Variants in GAB1 observed in about 807,000 individuals in gnomAD.
GAB1 encodes GRB2 associated binding protein 1.
In GAB1, 19 loss-of-function variants were observed where a neutral mutation model predicts 66.5. That is an observed-to-expected ratio of 0.29 (90% CI 0.20 to 0.42). The LOEUF (loss-of-function observed/expected upper bound fraction) is 0.42, where lower values mean the gene tolerates loss of function less well. Among genes scored for constraint, GAB1 ranks in the 10% least tolerant of loss-of-function variants. The pLI, the probability that GAB1 is intolerant of heterozygous loss-of-function variation, is 1.00. For missense variants in GAB1, 732 were observed against 858.5 expected, an observed-to-expected ratio of 0.85 and a Z score of 1.84; for synonymous variants, 294 against 301.4, an observed-to-expected ratio of 0.98 and a Z score of 0.25.
Position 143,440,187 on chromosome 4 carries a change from A to G in GAB1, c.1390A>G (p.Thr464Ala), listed in dbSNP as rs574486452. ...ACCACGACAACATTCCAGCAGTTTT[A>G]CAGAACCAATTCAGGAAGCAAATTA... ...SPPRQHSSSFTEPIQEANYVP... is the reference protein window; with the variant it reads ...SPPRQHSSSFAEPIQEANYVP... The change falls in exon 6 of 10, where the codon ACA (threonine) becomes GCA (alanine). Residue 464 changes from threonine (T) to alanine (A), a missense_variant. Transcript: ENST00000262994. The G allele has an allele frequency of 4.3e-6, 7 of 1,614,190 alleles. No individual in the cohort carries two copies. In the Admixed American group the frequency reaches 5.0e-5, roughly 12 times the overall value.
At chr4:143,395,344 G>A (rs532461396) in intron 1 of GAB1, 1 of 152,640 alleles carries the variant, frequency 6.6e-6, no homozygotes, top group Non-Finnish European at 1.5e-5. Flanking sequence ...TTTTGAATAA[G>A]TGAATGAATG....
chr4:143,470,448 A>G lies in GAB1; in HGVS notation c.*1259A>G, dbSNP rs1736021143. 1 of 152,186 alleles carries G rather than the reference A, an allele frequency of 6.6e-6. No homozygotes were observed. Among genetic ancestry groups the G allele is most frequent in the Non-Finnish European group, 1.5e-5 (1 of 68,028 alleles). 9.4% of individuals were successfully genotyped at this position (152,186 alleles called of 1,614,324 possible). On this transcript the variant is annotated 3_prime_UTR_variant, in exon 10 of 10. Transcript: ENST00000262994. ...GAGCCTTGCTACAATGTGAAATGTTATAGTCATGGACTCCTTCCAACCAGA... is the reference window on the plus strand; with the variant it reads ...GAGCCTTGCTACAATGTGAAATGTTGTAGTCATGGACTCCTTCCAACCAGA...
At chr4:143,338,429 G>T (rs532347421) in intron 1 of GAB1, among the ~76,000 whole-genome samples, 107 of 152,342 alleles carry the variant, frequency 7.0e-4, no homozygotes, top group African/African-American at 2.5e-3. Context: ...CTGTTTGCTT[G>T]TATAGAACAG....
intron 1 of GAB1, among the ~76,000 whole-genome samples, chr4:143,367,458 A>G (rs577003066): frequency 1.3e-5 from 2 of 152,236 alleles, no homozygotes; most frequent in South Asian, 2.1e-4. Flanking sequence ...AAGAAAATGT[A>G]TATAAAGTAC....
At chr4:143,405,373 G>T (rs1187397924) in intron 1 of GAB1, among the ~76,000 whole-genome samples, 2 of 152,178 alleles carry the variant, frequency 1.3e-5, no homozygotes, top group Non-Finnish European at 2.9e-5. Flanking sequence ...CACGGTTTCA[G>T]TCCCAGGGTT....
intron 1 of GAB1, among the ~76,000 whole-genome samples, chr4:143,378,629 G>GTCTC (rs3049720): frequency 0.055 from 7,116 of 129,022 alleles, 259 homozygotes; most frequent in African/African-American, 0.083. Context: ...CTTCCAAAGT[G>GTCTC]TCTCTCTCTC....
chr4:143,345,881 T>C (rs988907668), intron 1 of GAB1, among the ~76,000 whole-genome samples: 1 of 152,210 alleles, frequency 6.6e-6, no homozygotes, highest in Non-Finnish European at 1.5e-5. Context: ...ACTCAACTCA[T>C]TTTGTTGTAG....
chr4:143,461,821 C>T (rs1406445872), intron 8 of GAB1, among the ~76,000 whole-genome samples: 1 of 152,080 alleles, frequency 6.6e-6, no homozygotes, highest in Non-Finnish European at 1.5e-5. Context: ...ATATAAAGCC[C>T]AATTCTGTCA....
chr4:143,450,645 C>T (rs1734874759), intron 6 of GAB1, among the ~76,000 whole-genome samples: 1 of 152,092 alleles, frequency 6.6e-6, no homozygotes, highest in African/African-American at 2.4e-5. Flanking sequence ...ATCCCAGCAT[C>T]TGGGGAGACC....
At chr4:143,424,096 T>TA (rs1023268098) in intron 2 of GAB1, among the ~76,000 whole-genome samples, 1 of 151,912 alleles carries the variant, frequency 6.6e-6, no homozygotes, top group Non-Finnish European at 1.5e-5. Context: ...CCATGAAGTT[T>TA]AAAAAAAGTG....
intron 6 of GAB1, among the ~76,000 whole-genome samples, chr4:143,455,998 A>G (rs1735165489): frequency 6.6e-6 from 1 of 152,210 alleles, no homozygotes. Flanking sequence ...ACCTGAACAA[A>G]TCACTTAACC....
chr4:143,393,103 G>A (rs557500627), intron 1 of GAB1, among the ~76,000 whole-genome samples: 1 of 151,770 alleles, frequency 6.6e-6, no homozygotes, highest in East Asian at 1.9e-4. Context: ...GTCTGAATTT[G>A]TCTAGATGAA....
chr4:143,348,858 ATC>A (rs1159067529), intron 1 of GAB1, among the ~76,000 whole-genome samples: 4 of 151,310 alleles, frequency 2.6e-5, no homozygotes, highest in African/African-American at 7.3e-5. Flanking sequence ...CAGCTCTGAG[ATC>A]TCTCTCTCCG....
At chr4:143,428,012 G>A (rs1398268186) in intron 2 of GAB1, among the ~76,000 whole-genome samples, 1 of 152,132 alleles carries the variant, frequency 6.6e-6, no homozygotes, top group East Asian at 1.9e-4. Flanking sequence ...TTAATAGGGG[G>A]GCCTATGGGG....
In GAB1 at chr4:143,470,343, G is replaced by A. The variant is rs1057214800; in HGVS notation, c.*1154G>A. On this transcript the variant is annotated 3_prime_UTR_variant, in exon 10 of 10. Transcript: ENST00000262994. The stretch of plus-strand genomic sequence containing the variant: ...GTTATATAAGTGATTCTCGTATGTA[G>A]CACCTGTTGCTTTTCCACTGAAAGA... 6.6e-6 allele frequency: 1 copy of A among 151,964 alleles called. No individual in the cohort carries two copies. The highest frequency in any genetic ancestry group is 1.9e-4 in the East Asian group (1 of 5,184). 9.4% of individuals were successfully genotyped at this position (151,964 alleles called of 1,614,324 possible). A position where few individuals can be genotyped will look rare whatever the true frequency, so the allele number is the denominator to read the frequency against.
rs769021585 is a variant in GAB1, at chr4:143,469,054, C to G, written c.1950C>G (p.Ser650Arg). Reference sequence around the variant, plus strand: ...AGCAAAAGAGCAGTGGCTCAGGCAGCAGTGTAGCAGATGAGAGAGTGGATT... The same window carrying G: ...AGCAAAAGAGCAGTGGCTCAGGCAGGAGTGTAGCAGATGAGAGAGTGGATT... ...PRKQKSSGSG[S>R]SVADERVDYV... Residue 650 changes from serine to arginine, a missense_variant, in exon 10 of 10, where the codon AGC (serine) becomes AGG (arginine). By Grantham distance (110) the Ser-to-Arg change is moderately radical (BLOSUM62 -1). This residue lies in a region of GAB1 where 204 missense variants were observed against 276.8 expected (regional missense o/e 0.74). Transcript: ENST00000262994. 1.6e-5 allele frequency: 26 copies of G among 1,613,880 alleles called. No homozygotes were observed. Among genetic ancestry groups the G allele is most frequent in the Non-Finnish European group, 2.1e-5 (25 of 1,179,916 alleles).
intron 1 of GAB1, among the ~76,000 whole-genome samples, chr4:143,385,532 A>G (rs1171543214): frequency 6.6e-6 from 1 of 152,216 alleles, no homozygotes; most frequent in Non-Finnish European, 1.5e-5. Flanking sequence ...CTTCAATAGA[A>G]AAATTCCTTC....
rs112358206 is a variant in GAB1, at chr4:143,369,056, C to T, written c.72+31796C>T. The stretch of plus-strand genomic sequence containing the variant: ...CTGGGTTCAAGCAATTCTCCAGCCT[C>T]AGCCCCCCGAGTAGCTAGGATTACA... On this transcript the variant is annotated intron_variant, in intron 1 of 9. Coordinates refer to ENST00000262994, the MANE Select transcript of GAB1 (RefSeq NM_002039.4). Among the ~76,000 whole-genome samples, 418 of 152,220 alleles carry T rather than the reference C, an allele frequency of 2.7e-3. 3 individuals carry two copies. Among genetic ancestry groups the T allele is most frequent in the African/African-American group, 9.6e-3 (400 of 41,518 alleles).
chr4:143,434,282 A>G (rs921031627), intron 3 of GAB1: 19 of 350,582 alleles, frequency 5.4e-5, no homozygotes, highest in African/African-American at 3.2e-4. Flanking sequence ...ATTTGATCAA[A>G]TAAATATATT....
Sources: allele counts gnomAD v4.1 joint callset (sites outside exome capture counted in the v4.1 genomes callset), GRCh38; gene constraint gnomAD v4.1.1; regional missense constraint gnomAD v4.1.1; transcripts MANE v1.5; gene names NCBI Gene and HGNC (gene_info 2026-07-23, HGNC 2026-07-21).